The following SIPA1L1 variants were observed in gnomAD, a reference collection of about 807,000 sequenced individuals.
The protein encoded by SIPA1L1 is signal-induced proliferation-associated 1-like protein 1.
A neutral mutation model predicts 162.7 loss-of-function variants in SIPA1L1; 26 were observed. The observed-to-expected ratio is 0.16, with a 90% confidence interval of 0.12 to 0.22. The LOEUF is 0.22. SIPA1L1 is among the 10% of genes least tolerant of loss of function. SIPA1L1 has a pLI of 1.00. For missense variants in SIPA1L1, 1,874 were observed against 2,241.0 expected (o/e 0.84, Z 3.31); for synonymous variants, 829 against 837.4 (o/e 0.99, Z 0.17).
intron 2 of SIPA1L1, among the ~76,000 whole-genome samples, chr14:71,473,965 T>G (rs916656985): frequency 2.6e-5 from 4 of 152,222 alleles, no homozygotes; most frequent in African/African-American, 9.7e-5. Context: ...AAGTGTCCTA[T>G]TTTGAATGCA....
At chr14:71,517,344 C>T (rs1449012885) in intron 3 of SIPA1L1, among the ~76,000 whole-genome samples, 1 of 152,002 alleles carries the variant, frequency 6.6e-6, no homozygotes, top group Non-Finnish European at 1.5e-5. Context: ...TTTATTTCGG[C>T]ATAGGTACTG....
At chr14:71,335,747 A>G (rs930296567) in intron 2 of SIPA1L1, among the ~76,000 whole-genome samples, 1 of 152,234 alleles carries the variant, frequency 6.6e-6, no homozygotes, top group Non-Finnish European at 1.5e-5. Flanking sequence ...TCAGATTTAT[A>G]AAATAGGTTT....
chr14:71,450,283 C>T (rs2045716268), intron 2 of SIPA1L1, among the ~76,000 whole-genome samples: 1 of 152,104 alleles, frequency 6.6e-6, no homozygotes, highest in Non-Finnish European at 1.5e-5. Flanking sequence ...CACCCTTGTA[C>T]TGATACAGTA....
intron 2 of SIPA1L1, among the ~76,000 whole-genome samples, chr14:71,431,570 T>C (rs976867621): frequency 3.3e-5 from 5 of 151,906 alleles, no homozygotes; most frequent in African/African-American, 4.8e-5. Flanking sequence ...GGAGCATGCC[T>C]GTACTTCCAG....
At chr14:71,677,191 T>C (rs1566629295) in intron 12 of SIPA1L1, among the ~76,000 whole-genome samples, 1 of 152,246 alleles carries the variant, frequency 6.6e-6, no homozygotes, top group Non-Finnish European at 1.5e-5. Context: ...TGGTATTTCA[T>C]TGTGGTTTTG....
chr14:71,678,680 C>T (rs2149470535), intron 12 of SIPA1L1, among the ~76,000 whole-genome samples: 1 of 152,070 alleles, frequency 6.6e-6, no homozygotes, highest in Non-Finnish European at 1.5e-5. Context: ...AGGATTCCCT[C>T]TTTTTCTATT....
At chr14:71,522,628 G>C (rs960581200) in intron 3 of SIPA1L1, among the ~76,000 whole-genome samples, 34 of 151,902 alleles carry the variant, frequency 2.2e-4, no homozygotes, top group African/African-American at 7.5e-4. Flanking sequence ...GAATGCTCAA[G>C]TGGCACTCCT....
intron 7 of SIPA1L1, among the ~76,000 whole-genome samples, chr14:71,645,670 T>A (rs1290379385): frequency 6.6e-6 from 1 of 152,224 alleles, no homozygotes; most frequent in East Asian, 1.9e-4. Flanking sequence ...AGAAAAAGAA[T>A]GCAAGGAGTG....
intron 17 of SIPA1L1, among the ~76,000 whole-genome samples, chr14:71,722,791 A>G (rs1424150374): frequency 6.6e-6 from 1 of 152,194 alleles, no homozygotes; most frequent in Non-Finnish European, 1.5e-5. Context: ...GCTGGAGTGC[A>G]GTGGCGTGAT....
intron 2 of SIPA1L1, among the ~76,000 whole-genome samples, chr14:71,465,312 TCTCA>T (rs767834277): frequency 6.6e-6 from 1 of 152,192 alleles, no homozygotes; most frequent in Non-Finnish European, 1.5e-5. Context: ...CAGATAAGAC[TCTCA>T]CTCAGGGCAA....
At chr14:71,722,292 G>A (rs2083814901) in intron 17 of SIPA1L1, among the ~76,000 whole-genome samples, 2 of 152,182 alleles carry the variant, frequency 1.3e-5, no homozygotes, top group African/African-American at 4.8e-5. Context: ...GTGTTCCTGT[G>A]GAGGCACAGT....
chr14:71,706,892 G>T lies in SIPA1L1; in HGVS notation c.3765+1552G>T, dbSNP rs369112399. ...ACTAAAAATACAAGAAATTAGCCAG[G>T]TGTGGTGGCACACACCTGTAGTCCC... On this transcript the variant is annotated intron_variant, in intron 16 of 23. Transcript: ENST00000381232. 3.9e-5 allele frequency among the ~76,000 whole-genome samples: 6 copies of T among 152,106 alleles called. No homozygotes were observed. The East Asian group carries it at 9.7e-4, about 24-fold the overall frequency.
At position 71,474,864 on chromosome 14, in the gene SIPA1L1, C is replaced by T. The variant is rs76732519; in HGVS notation, c.-464-37879C>T. ...TAATATATTCCAGCCTGAAAAAAAA[C>T]CCTTAAATTTCAGGCTGTAAATCGT... is the stretch of plus-strand genomic sequence containing the variant. On this transcript the variant is annotated intron_variant, in intron 2 of 23. Coordinates refer to ENST00000381232, the MANE Select transcript of SIPA1L1 (RefSeq NM_001386936.1). Among the ~76,000 whole-genome samples, 1,274 of 152,206 alleles carry T rather than the reference C, an allele frequency of 8.4e-3. 44 individuals carry two copies. The highest frequency in any genetic ancestry group is 0.061 in the Admixed American group (939 of 15,292).
intron 2 of SIPA1L1, among the ~76,000 whole-genome samples, chr14:71,402,304 TG>T (rs1257984243): frequency 1.3e-5 from 2 of 151,994 alleles, no homozygotes; most frequent in Non-Finnish European, 2.9e-5. Context: ...AGGATTGTCT[TG>T]GGTTTAGATA....
chr14:71,456,883 A>C (rs1294455798), intron 2 of SIPA1L1, among the ~76,000 whole-genome samples: 1 of 152,240 alleles, frequency 6.6e-6, no homozygotes, highest in Non-Finnish European at 1.5e-5. Context: ...GTTTGTGCAG[A>C]AGTTTTTTGA....
intron 2 of SIPA1L1, chr14:71,448,881 G>A (rs1481101390): frequency 2.0e-5 from 3 of 152,276 alleles, no homozygotes; most frequent in Non-Finnish European, 2.9e-5. Context: ...GGAAACTCCT[G>A]TGCTGATCAG....
chr14:71,352,899 A>G (rs1315965036), intron 2 of SIPA1L1, among the ~76,000 whole-genome samples: 5 of 152,240 alleles, frequency 3.3e-5, no homozygotes. Flanking sequence ...GTAGTTGTGT[A>G]GAGATGTTCC....
intron 12 of SIPA1L1, among the ~76,000 whole-genome samples, chr14:71,684,576 A>C (rs577724427): frequency 4.6e-5 from 7 of 151,200 alleles, no homozygotes; most frequent in African/African-American, 1.7e-4. Flanking sequence ...GCCCAGTCGC[A>C]ATGTGCGGTG....
At chr14:71,523,994 A>G (rs2052612210) in intron 3 of SIPA1L1, among the ~76,000 whole-genome samples, 1 of 152,094 alleles carries the variant, frequency 6.6e-6, no homozygotes, top group Non-Finnish European at 1.5e-5. Flanking sequence ...GGTTCTTTTT[A>G]TTGAAGGATG....
Sources: allele counts gnomAD v4.1 joint callset (sites outside exome capture counted in the v4.1 genomes callset), GRCh38; gene constraint gnomAD v4.1.1; transcripts MANE v1.5; gene names NCBI Gene and HGNC (gene_info 2026-07-23, HGNC 2026-07-21).